The following DCDC1 variants were observed in gnomAD, a reference collection of about 807,000 sequenced individuals.
DCDC1 encodes the protein doublecortin domain containing 1, also known as doublecortin domain-containing protein 1.
Under a neutral mutation model 178.3 loss-of-function variants are expected in DCDC1, and 200 were observed. That is an observed-to-expected ratio of 1.12 (90% CI 1.00 to 1.26). DCDC1 has a LOEUF of 1.26. DCDC1 is among the 50% of genes most tolerant of loss of function. DCDC1 has a pLI of 0.00. For synonymous variants in DCDC1, 690 were observed against 604.8 expected, an observed-to-expected ratio of 1.14 and a Z score of -2.07; for missense variants, 1,983 against 1,749.2, an observed-to-expected ratio of 1.13 and a Z score of -2.38.
chr11:30,895,937 A>T (rs1329115303), intron 34 of DCDC1, among the ~76,000 whole-genome samples: 1 of 152,220 alleles, frequency 6.6e-6, no homozygotes, highest in East Asian at 1.9e-4. Flanking sequence ...ATTTTGCTCA[A>T]CTACAGAGAG....
chr11:30,995,016 A>G (rs182188259), intron 20 of DCDC1, among the ~76,000 whole-genome samples: 1 of 151,900 alleles, frequency 6.6e-6, no homozygotes, highest in East Asian at 1.9e-4. Flanking sequence ...CAATATGATT[A>G]TCTTTAAAAA....
chr11:31,264,921 T>C (rs1945041713), intron 8 of DCDC1, among the ~76,000 whole-genome samples: 1 of 152,266 alleles, frequency 6.6e-6, no homozygotes, highest in South Asian at 2.1e-4. Context: ...AGATTGGCCA[T>C]GGTATGAGCA....
chr11:31,227,502 A>T lies in DCDC1; in HGVS notation c.1221+13948T>A, dbSNP rs148143781. Among the ~76,000 whole-genome samples the T allele has an allele frequency of 1.1e-4, 16 of 152,234 alleles. No individual in the cohort carries two copies. In the East Asian group the frequency reaches 3.1e-3, roughly 29 times the overall value. ...AGTGGGAATCACATTTCAACATGAC[A>T]CTTGGGGGGAAAAAAATACTAACTA... On this transcript the variant is annotated intron_variant, in intron 9 of 38. Coordinates refer to ENST00000684477, the MANE Select transcript of DCDC1 (RefSeq NM_001387274.1).
chr11:30,888,585 C>T (rs1395137166), intron 36 of DCDC1, among the ~76,000 whole-genome samples: 1 of 152,020 alleles, frequency 6.6e-6, no homozygotes, highest in Non-Finnish European at 1.5e-5. Flanking sequence ...GGTGTGGTGG[C>T]ACATGCCTGT....
At chr11:30,996,043 T>A (rs968787932) in intron 20 of DCDC1, among the ~76,000 whole-genome samples, 8 of 152,178 alleles carry the variant, frequency 5.3e-5, no homozygotes, top group Non-Finnish European at 1.5e-5. Context: ...GTCTCCACTA[T>A]GTATAATGAA....
intron 20 of DCDC1, among the ~76,000 whole-genome samples, chr11:30,987,598 T>C (rs1055090332): frequency 6.6e-6 from 1 of 152,118 alleles, no homozygotes; most frequent in Non-Finnish European, 1.5e-5. Flanking sequence ...TATAGGGCTA[T>C]ATTTAAGCTG....
chr11:31,346,032 T>A (rs1377373046), intron 1 of DCDC1, among the ~76,000 whole-genome samples: 1 of 152,198 alleles, frequency 6.6e-6, no homozygotes, highest in Admixed American at 6.5e-5. Flanking sequence ...CTTCTCCTTG[T>A]GTAATTCCAC....
intron 20 of DCDC1, among the ~76,000 whole-genome samples, chr11:31,006,178 A>G (rs2135073154): frequency 6.6e-6 from 1 of 152,272 alleles, no homozygotes; most frequent in Non-Finnish European, 1.5e-5. Flanking sequence ...TTATGAATAC[A>G]GATTCTCATT....
At chr11:31,262,963 G>T (rs1421988878) in intron 8 of DCDC1, 20 of 1,405,418 alleles carry the variant, frequency 1.4e-5, no homozygotes, top group Non-Finnish European at 1.7e-5. Context: ...AGAGGGCAAG[G>T]CATGCATTAA....
intron 7 of DCDC1, chr11:31,280,823 T>C: frequency 3.2e-6 from 2 of 620,330 alleles, no homozygotes; most frequent in Non-Finnish European, 6.1e-6. Flanking sequence ...GATGCCTTTG[T>C]TCTTATTGGC....
Position 30,931,859 on chromosome 11 carries a change from G to A in DCDC1, c.2809C>T (p.Arg937Ter), listed in dbSNP as rs576318434. ...TCTCCATTCTGCAAAACTCTGAGTCGCACAGGGGCATATGGCTCTGTTGTC... is the reference window on the plus strand; with the variant it reads ...TCTCCATTCTGCAAAACTCTGAGTCACACAGGGGCATATGGCTCTGTTGTC... Reference protein sequence around the residue: ...CKTTEPYAPVRLRVLQNGEKN... With the variant: ...CKTTEPYAPV Residue 937 changes from arginine (R) to a stop codon, truncating the protein, a stop_gained, in exon 22 of 39, where the codon CGA (arginine) becomes TGA (stop). Coordinates refer to ENST00000684477, the MANE Select transcript of DCDC1 (RefSeq NM_001387274.1). LOFTEE classifies it high-confidence loss of function. 6.8e-6 allele frequency: 11 copies of A among 1,612,856 alleles called. No individual in the cohort carries two copies. The highest frequency in any genetic ancestry group is 4.5e-5 in the East Asian group (2 of 44,856).
intron 8 of DCDC1, 30 bp downstream of exon 8, chr11:31,265,477 C>G: frequency 8.2e-7 from 1 of 1,226,194 alleles, no homozygotes; most frequent in Non-Finnish European, 1.1e-6. Flanking sequence ...AAAATATTAT[C>G]AAATGGTTTA....
At chr11:31,329,857 C>T (rs531565078) in intron 2 of DCDC1, among the ~76,000 whole-genome samples, 3 of 152,180 alleles carry the variant, frequency 2.0e-5, no homozygotes, top group Non-Finnish European at 4.4e-5. Context: ...CCACAATAAA[C>T]ATACGTGTAC....
chr11:31,146,743 C>T (rs1177564525), intron 9 of DCDC1, among the ~76,000 whole-genome samples: 1 of 152,190 alleles, frequency 6.6e-6, no homozygotes, highest in Non-Finnish European at 1.5e-5. Flanking sequence ...CTTCTAACGT[C>T]CGGCTGAAAC....
intron 21 of DCDC1, 26 bp from the exon 22 acceptor site, chr11:30,931,978 A>C (rs1450696089): frequency 3.2e-6 from 5 of 1,584,274 alleles, no homozygotes; most frequent in Non-Finnish European, 4.3e-6. Context: ...ACAAAAACAT[A>C]ATAATAAATA....
chr11:31,284,570 TA>T (rs1946680924), intron 7 of DCDC1, among the ~76,000 whole-genome samples: 1 of 151,956 alleles, frequency 6.6e-6, no homozygotes, highest in African/African-American at 2.4e-5. Flanking sequence ...AATGTACATA[TA>T]AAAACTATAA....
intron 38 of DCDC1, among the ~76,000 whole-genome samples, chr11:30,876,022 C>T (rs1291517851): frequency 3.3e-5 from 5 of 152,124 alleles, no homozygotes; most frequent in Non-Finnish European, 5.9e-5. Flanking sequence ...AAAGCTAGAG[C>T]GATGGGCAGA....
At chr11:31,138,029 A>C (rs1193374316) in intron 9 of DCDC1, among the ~76,000 whole-genome samples, 1 of 152,194 alleles carries the variant, frequency 6.6e-6, no homozygotes, top group African/African-American at 2.4e-5. Flanking sequence ...GAGTGTCCTT[A>C]ACTGCAGATA....
At position 30,889,834 on chromosome 11, in the gene DCDC1, T is replaced by C. The variant is rs114848451; in HGVS notation, c.5082+2984A>G. Among the ~76,000 whole-genome samples, 668 of 152,298 alleles carry C rather than the reference T, an allele frequency of 4.4e-3. 7 individuals carry two copies. Among genetic ancestry groups the C allele is most frequent in the African/African-American group, 0.015 (640 of 41,552 alleles). Reference sequence around the variant, plus strand: ...GTGGTTCAAGCACTTGAGTTTAGGATAGTGTTATGGACTAAACTGTGTCCA... The same window carrying C: ...GTGGTTCAAGCACTTGAGTTTAGGACAGTGTTATGGACTAAACTGTGTCCA... On this transcript the variant is annotated intron_variant, in intron 36 of 38. Transcript: ENST00000684477.
Sources: allele counts gnomAD v4.1 joint callset (sites outside exome capture counted in the v4.1 genomes callset), GRCh38; gene constraint gnomAD v4.1.1; transcripts MANE v1.5; gene names NCBI Gene and HGNC (gene_info 2026-07-23, HGNC 2026-07-21).